The following POMZP3 variants were observed in gnomAD, a reference collection of about 807,000 sequenced individuals.
The protein encoded by POMZP3 is POM121 and ZP3 fusion, also known as POM121 and ZP3 fusion protein.
Under a neutral mutation model 19.8 loss-of-function variants are expected in POMZP3, and 10 were observed. The observed-to-expected ratio is 0.51, with a 90% CI of 0.31 to 0.86. The LOEUF (loss-of-function observed/expected upper bound fraction) is 0.86, where lower values mean the gene tolerates loss of function less well. POMZP3 is among the 40% of genes least tolerant of loss of function. The pLI, the probability that POMZP3 is intolerant of heterozygous loss-of-function variation, is 0.04. For missense variants in POMZP3, 152 were observed against 228.1 expected, an observed-to-expected ratio of 0.67 and a Z score of 2.15; for synonymous variants, 57 against 85.8, an observed-to-expected ratio of 0.66 and a Z score of 1.85.
At chr7:76,625,133 A>C (rs1815803642) in intron 3 of POMZP3, among the ~76,000 whole-genome samples, 1 of 25,748 alleles carries the variant, frequency 3.9e-5, no homozygotes. Flanking sequence ...ACTCCAACTC[A>C]AAAAAAAAAA....
intron 3 of POMZP3, among the ~76,000 whole-genome samples, chr7:76,619,176 A>G (rs1815410017): frequency 6.6e-6 from 1 of 152,094 alleles, no homozygotes; most frequent in African/African-American, 2.4e-5. Flanking sequence ...AGGTGGGAGG[A>G]TCACATAAGG....
chr7:76,611,555 T>C lies in POMZP3; in HGVS notation c.474A>G (p.Gln158=), dbSNP rs1035588700. ...TGCCACAGTCACCTTTGTTACAGCA[T>C]TGACAGATGTCAGCCAGGCCTTCCA... ...FPVEGLADIC[Q]CCNKGDCGTP... is the part of the protein sequence containing the mutation. The change falls in exon 6 of 7, where the codon CAA becomes CAG. Residue 158 remains glutamine (Q), a synonymous_variant. Coordinates refer to ENST00000310842, the MANE Select transcript of POMZP3 (RefSeq NM_012230.5). 3.1e-6 allele frequency: 5 copies of C among 1,603,978 alleles called. No individual in the cohort carries two copies. The highest frequency in any genetic ancestry group is 4.5e-5 in the East Asian group (2 of 44,876).
At chr7:76,617,449 G>GGCA (rs1239052696) in intron 4 of POMZP3, among the ~76,000 whole-genome samples, 5 of 80,652 alleles carry the variant, frequency 6.2e-5, no homozygotes, top group Admixed American at 2.4e-4. Flanking sequence ...CTCAAGGGGA[G>GGCA]GACCCAGACT....
chr7:76,616,959 ACCAG>A (rs1815311549), intron 4 of POMZP3, among the ~76,000 whole-genome samples: 1 of 93,566 alleles, frequency 1.1e-5, no homozygotes, highest in Admixed American at 1.0e-4. Context: ...GGAGTTTGGG[ACCAG>A]CCTGGACAAC....
chr7:76,618,987 C>T (rs1284661119), intron 3 of POMZP3, among the ~76,000 whole-genome samples: 6 of 152,086 alleles, frequency 3.9e-5, no homozygotes, highest in African/African-American at 1.4e-4. Flanking sequence ...AGGGTCTCAC[C>T]ATATTGCCCA....
chr7:76,626,321 CTCTT>C (rs1398033974), intron 1 of POMZP3, 106 bp from the exon 2 acceptor site: 24 of 1,159,402 alleles, frequency 2.1e-5, no homozygotes, highest in Non-Finnish European at 2.8e-5. Flanking sequence ...GAACTTAAGT[CTCTT>C]TCTACGCAAC....
At chr7:76,621,940 A>AAAT (rs1815585043) in intron 3 of POMZP3, among the ~76,000 whole-genome samples, 3 of 75,482 alleles carry the variant, frequency 4.0e-5, no homozygotes, top group African/African-American at 5.8e-5. Context: ...TCCGTTTCAA[A>AAAT]AAATAAATAA....
At chr7:76,616,129 C>A (rs1204748976) in intron 4 of POMZP3, among the ~76,000 whole-genome samples, 1 of 135,062 alleles carries the variant, frequency 7.4e-6, no homozygotes, top group Admixed American at 7.6e-5. Context: ...CTAAGAAATA[C>A]AAGGATTAGC....
At chr7:76,613,475 G>C (rs1474523660) in intron 4 of POMZP3, among the ~76,000 whole-genome samples, 2 of 115,168 alleles carry the variant, frequency 1.7e-5, no homozygotes, top group Non-Finnish European at 3.9e-5. Context: ...CCAGGGAATA[G>C]TCAACTACCC....
chr7:76,611,704 C>A lies in POMZP3; in HGVS notation c.437+18G>T, dbSNP rs530095344. 1.8e-5 allele frequency: 27 copies of A among 1,462,592 alleles called. 1 individual carries two copies. The East Asian group carries it at 6.0e-4, about 33-fold the overall frequency. 90.6% of individuals were successfully genotyped at this position (1,462,592 alleles called of 1,614,324 possible). On this transcript the variant is annotated intron_variant, in intron 5 of 6. Coordinates refer to ENST00000310842, the MANE Select transcript of POMZP3 (RefSeq NM_012230.5). Reference sequence around the variant, plus strand: ...GCCGATTCAGTTTCTACTCCAGTCACGGAGCACCTGTCCTCACCTGTTGGA... The same window carrying A: ...GCCGATTCAGTTTCTACTCCAGTCAAGGAGCACCTGTCCTCACCTGTTGGA...
At position 76,627,228 on chromosome 7, in the gene POMZP3, C is replaced by T. The variant is rs1475293458; in HGVS notation, c.-672G>A. ...ATCGGCCGCCGCCGCTCGCCTGCTC[C>T]AGCCGCCGCAGCCGCCGGAGACATC... is the stretch of plus-strand genomic sequence containing the variant. On this transcript the variant is annotated 5_prime_UTR_variant, in exon 1 of 7. Transcript: ENST00000310842. The T allele has an allele frequency of 6.4e-6, 9 of 1,403,326 alleles. 1 individual carries two copies. The highest frequency in any genetic ancestry group is 1.5e-5 in the African/African-American group (1 of 66,914). 86.9% of individuals were successfully genotyped at this position (1,403,326 alleles called of 1,614,324 possible).
Position 76,626,011 on chromosome 7 carries a change from C to T in POMZP3, c.54G>A (p.Ser18=), listed in dbSNP as rs199608185. ...ACGATAATACTCACATCGCAGAACGCGAAAATCTTCTGTCAGGAGGGGCGA... is the reference window on the plus strand; with the variant it reads ...ACGATAATACTCACATCGCAGAACGTGAAAATCTTCTGTCAGGAGGGGCGA... ...LRIAPPDRRF[S]RSAIPEQIIS... Residue 18 remains serine (S), a synonymous_variant, in exon 2 of 7, where the codon TCG becomes TCA. Transcript: ENST00000310842. 817 of 1,609,192 alleles carry T rather than the reference C, an allele frequency of 5.1e-4. 20 individuals carry two copies. The South Asian group carries it at 6.7e-3, about 13-fold the overall frequency.
At chr7:76,614,760 C>G (rs1815232002) in intron 4 of POMZP3, among the ~76,000 whole-genome samples, 3 of 80,256 alleles carry the variant, frequency 3.7e-5, no homozygotes, top group East Asian at 2.9e-4. Context: ...ATTAGGGAGG[C>G]TGAGGCAGGA....
At chr7:76,625,767 A>G (rs1754228) in intron 2 of POMZP3, 84 bp from the exon 3 acceptor site, 219,328 of 1,388,642 alleles carry the variant, frequency 0.16, 20,984 homozygotes, top group East Asian at 0.25. Flanking sequence ...CTAACCAACA[A>G]GCCAAAGTAT....
chr7:76,618,888 A>G (rs1187713854), intron 3 of POMZP3, among the ~76,000 whole-genome samples: 1 of 151,840 alleles, frequency 6.6e-6, no homozygotes, highest in African/African-American at 2.4e-5. Context: ...CCTGGGTTCA[A>G]GTGATCTTCC....
chr7:76,624,737 T>C (rs1815767977), intron 3 of POMZP3, among the ~76,000 whole-genome samples: 1 of 150,864 alleles, frequency 6.6e-6, no homozygotes, highest in African/African-American at 2.4e-5. Flanking sequence ...TGAGCCACCT[T>C]GCCCTTCCAG....
At chr7:76,625,814 A>C in intron 2 of POMZP3, 131 bp from the exon 3 acceptor site, 2 of 1,384,782 alleles carry the variant, frequency 1.4e-6, no homozygotes, top group Admixed American at 2.3e-5. Context: ...TTAGCAAGTA[A>C]AGCTACTTTT....
chr7:76,614,846 C>G (rs1290733421), intron 4 of POMZP3, among the ~76,000 whole-genome samples: 3 of 71,556 alleles, frequency 4.2e-5, no homozygotes, highest in Non-Finnish European at 7.9e-5. Flanking sequence ...GGTGACAGAG[C>G]GAGACTCTGT....
At position 76,622,378 on chromosome 7, in the gene POMZP3, T is replaced by TG. The variant is rs1378268633; in HGVS notation, c.227+3143_227+3144insC. On this transcript the variant is annotated intron_variant, in intron 3 of 6. Coordinates refer to ENST00000310842, the MANE Select transcript of POMZP3 (RefSeq NM_012230.5). Reference sequence around the variant, plus strand: ...CTGTAACACTATCATTCTCAAGTTTTTTTTTTTTTTTTTTTTTTGAGATGG... The same window carrying TG: ...CTGTAACACTATCATTCTCAAGTTTTGTTTTTTTTTTTTTTTTTTGAGATGG... Among the ~76,000 whole-genome samples, 14 of 36,892 alleles carry TG rather than the reference T, an allele frequency of 3.8e-4. No individual in the cohort carries two copies. In the East Asian group the frequency reaches 6.5e-3, roughly 17 times the overall value. 24.2% of individuals were successfully genotyped at this position (36,892 alleles called of 152,430 possible).
Sources: allele counts gnomAD v4.1 joint callset (sites outside exome capture counted in the v4.1 genomes callset), GRCh38; gene constraint gnomAD v4.1.1; transcripts MANE v1.5; gene names NCBI Gene and HGNC (gene_info 2026-07-23, HGNC 2026-07-21).